The following EPHA4 variants were observed in gnomAD, a reference collection of about 807,000 sequenced individuals.
The protein encoded by EPHA4 is ephrin type-A receptor 4.
Under a neutral mutation model 108.3 loss-of-function variants are expected in EPHA4, and 19 were observed. That is an observed-to-expected ratio of 0.18 (90% confidence interval 0.12 to 0.26). The LOEUF is 0.26. Ranked by LOEUF, EPHA4 falls within the 10% of genes least tolerant of loss-of-function variation. The probability of loss-of-function intolerance (pLI) is 1.00; values close to 1 mark genes in which losing one functional copy is unlikely to be tolerated. For missense variants in EPHA4, 917 were observed against 1,254.0 expected, an observed-to-expected ratio of 0.73 and a Z score of 4.06; for synonymous variants, 449 against 455.5, an observed-to-expected ratio of 0.99 and a Z score of 0.18.
chr2:221,443,909 C>T (rs985720803), intron 9 of EPHA4, among the ~76,000 whole-genome samples: 3 of 152,178 alleles, frequency 2.0e-5, no homozygotes, highest in African/African-American at 4.8e-5. Context: ...ACTATTGTCC[C>T]AAGCAGTTGC....
intron 4 of EPHA4, among the ~76,000 whole-genome samples, chr2:221,497,092 C>T (rs1446311909): frequency 6.6e-6 from 1 of 151,970 alleles, no homozygotes; most frequent in African/African-American, 2.4e-5. Context: ...GATAGAGAGG[C>T]AGTGAGATAG....
intron 4 of EPHA4, among the ~76,000 whole-genome samples, chr2:221,486,420 T>C (rs1357561875): frequency 6.6e-6 from 1 of 152,098 alleles, no homozygotes; most frequent in Non-Finnish European, 1.5e-5. Flanking sequence ...CTATCACCAG[T>C]ATATGTGCTC....
chr2:221,426,576 CA>C lies in EPHA4; in HGVS notation c.2733del (p.Ala912LeufsTer29), dbSNP rs1689917240. On this transcript the variant is annotated frameshift_variant, in exon 16 of 18. Transcript: ENST00000281821. LOFTEE classifies it high-confidence loss of function. Reference sequence around the variant, plus strand: ...AGCCAATCGCCCACTGATACCACAGCAGAGAATTCAGGGGAGCTTGGATCCA... The same window carrying C: ...AGCCAATCGCCCACTGATACCACAGCGAGAATTCAGGGGAGCTTGGATCCA... ...ALLDPSSPEF[S>X]AVVSVGDWLQ... 1 of 1,613,772 alleles carries C rather than the reference CA, an allele frequency of 6.2e-7. No individual in the cohort carries two copies. Among genetic ancestry groups the C allele is most frequent in the Non-Finnish European group, 8.5e-7 (1 of 1,180,004 alleles).
In EPHA4 at chr2:221,566,963, G is replaced by GGAAGAAGAA. The variant is rs1378131259; in HGVS notation, c.159+1754_159+1755insTTCTTCTTC. 1.9e-4 allele frequency among the ~76,000 whole-genome samples: 2 copies of GGAAGAAGAA among 10,626 alleles called. 1 individual carries two copies. The highest frequency in any genetic ancestry group is 5.8e-4 in the African/African-American group (2 of 3,420). The allele number at this position is 10,626 out of a possible 152,430, so 7.0% of individuals were successfully genotyped here. On this transcript the variant is annotated intron_variant, in intron 2 of 17. Coordinates refer to ENST00000281821, the MANE Select transcript of EPHA4 (RefSeq NM_004438.5). ...GAGAAGGAGAAGGAGAAGGGGAAGAGGAAGAGGAAGAAGAAGAAGAAGAAG... is the reference window on the plus strand; with the variant it reads ...GAGAAGGAGAAGGAGAAGGGGAAGAGGAAGAAGAAGAAGAGGAAGAAGAAGAAGAAGAAG...
chr2:221,548,251 G>C (rs1694057716), intron 3 of EPHA4, among the ~76,000 whole-genome samples: 1 of 152,162 alleles, frequency 6.6e-6, no homozygotes, highest in African/African-American at 2.4e-5. Context: ...CAGCTACTTG[G>C]GAGGCTGAGG....
At chr2:221,513,580 T>C (rs1019098565) in intron 3 of EPHA4, among the ~76,000 whole-genome samples, 1 of 152,182 alleles carries the variant, frequency 6.6e-6, no homozygotes, top group African/African-American at 2.4e-5. Flanking sequence ...GCTACAGTTA[T>C]TAGCAACGTA....
At chr2:221,429,828 G>T (rs1400771620) in intron 15 of EPHA4, 130 bp downstream of exon 15, 1 of 915,370 alleles carries the variant, frequency 1.1e-6, no homozygotes, top group South Asian at 1.6e-5. Context: ...AATTGAGAAA[G>T]AAGCCACCCA....
At chr2:221,461,180 A>G (rs948262639) in intron 5 of EPHA4, among the ~76,000 whole-genome samples, 3 of 152,190 alleles carry the variant, frequency 2.0e-5, no homozygotes, top group African/African-American at 7.2e-5. Context: ...AGAATTGAAA[A>G]TGAACTATAC....
chr2:221,474,738 G>A (rs1024963299), intron 5 of EPHA4, among the ~76,000 whole-genome samples: 6 of 152,120 alleles, frequency 3.9e-5, no homozygotes, highest in South Asian at 2.1e-4. Context: ...TCATTTTCTC[G>A]ATTTCACTAG....
intron 3 of EPHA4, among the ~76,000 whole-genome samples, chr2:221,544,860 C>T (rs953863370): frequency 2.0e-5 from 3 of 152,108 alleles, no homozygotes; most frequent in Non-Finnish European, 4.4e-5. Context: ...ATTGCTCTCT[C>T]GACTCTACCC....
Position 221,482,395 on chromosome 2 carries a change from G to A in EPHA4, c.1275C>T (p.Asn425=). The change falls in exon 5 of 18, where the codon AAC becomes AAT. Residue 425 remains asparagine, a synonymous_variant. Coordinates refer to ENST00000281821, the MANE Select transcript of EPHA4 (RefSeq NM_004438.5). ...CAGTGACAGAAACTGATTGGTCTGG[G>A]TTAGGGTTATATTTGGACACTCCAT... The part of the protein sequence containing the change: ...AVNGVSKYNP[N]PDQSVSVTVT... The A allele has an allele frequency of 6.2e-7, 1 of 1,613,630 alleles. No homozygotes were observed. The highest frequency in any genetic ancestry group is 2.2e-5 in the East Asian group (1 of 44,874).
intron 8 of EPHA4, 45 bp downstream of exon 8, chr2:221,455,502 A>G: frequency 6.9e-7 from 1 of 1,443,700 alleles, no homozygotes; most frequent in Non-Finnish European, 9.7e-7. Flanking sequence ...CATCATAAAC[A>G]CTGGGAAGGT....
chr2:221,470,030 T>A (rs1369057641), intron 5 of EPHA4, among the ~76,000 whole-genome samples: 1 of 152,180 alleles, frequency 6.6e-6, no homozygotes, highest in Non-Finnish European at 1.5e-5. Context: ...AACTTCTATT[T>A]CTTTCTCTTG....
At chr2:221,421,290 A>G (rs1049045352) in intron 17 of EPHA4, among the ~76,000 whole-genome samples, 2 of 151,438 alleles carry the variant, frequency 1.3e-5, no homozygotes, top group Non-Finnish European at 2.9e-5. Flanking sequence ...ACAGAGCGAG[A>G]CTCTGTCTCA....
intron 5 of EPHA4, among the ~76,000 whole-genome samples, chr2:221,471,116 A>C (rs1007018013): frequency 6.6e-6 from 1 of 152,216 alleles, no homozygotes; most frequent in African/African-American, 2.4e-5. Flanking sequence ...GTCAGTAGAT[A>C]TCTTCAACTG....
intron 7 of EPHA4, 67 bp from the exon 8 acceptor site, chr2:221,455,725 TCA>T: frequency 8.6e-7 from 1 of 1,161,090 alleles, no homozygotes; most frequent in Non-Finnish European, 1.3e-6. Flanking sequence ...TCTGAATGGG[TCA>T]CAGTTTTCAG....
At chr2:221,456,449 C>T (rs1017363555) in intron 7 of EPHA4, among the ~76,000 whole-genome samples, 164 bp downstream of exon 7, 1 of 152,176 alleles carries the variant, frequency 6.6e-6, no homozygotes, top group African/African-American at 2.4e-5. Context: ...ATGAAGTTTT[C>T]TAAGTTACAG....
At chr2:221,570,443 G>A (rs1694796521) in intron 1 of EPHA4, among the ~76,000 whole-genome samples, 1 of 152,152 alleles carries the variant, frequency 6.6e-6, no homozygotes, top group Non-Finnish European at 1.5e-5. Context: ...CGGGATCCAC[G>A]ATTCCTCTCA....
intron 3 of EPHA4, among the ~76,000 whole-genome samples, chr2:221,529,243 C>T (rs1163404550): frequency 1.3e-5 from 2 of 152,112 alleles, no homozygotes; most frequent in African/African-American, 4.8e-5. Context: ...TTCCAGGTCT[C>T]CACAGGAAGG....
Sources: allele counts gnomAD v4.1 joint callset (sites outside exome capture counted in the v4.1 genomes callset), GRCh38; gene constraint gnomAD v4.1.1; transcripts MANE v1.5; gene names NCBI Gene and HGNC (gene_info 2026-07-23, HGNC 2026-07-21).